Variants in CAST observed in about 807,000 individuals in gnomAD.
The protein encoded by CAST is MIR583 host.
CAST carries 76 observed loss-of-function variants against 119.6 expected under a neutral mutation model. The observed-to-expected ratio is 0.64, with a 90% confidence interval of 0.53 to 0.77. The LOEUF (loss-of-function observed/expected upper bound fraction) is 0.77. Among genes scored for constraint, CAST ranks in the 30% least tolerant of loss-of-function variants. The probability of loss-of-function intolerance (pLI) is 0.00; values close to 1 mark genes in which losing one functional copy is unlikely to be tolerated. For missense variants in CAST, 953 were observed against 946.5 expected, an observed-to-expected ratio of 1.01 and a Z score of -0.09; for synonymous variants, 319 against 331.6, an observed-to-expected ratio of 0.96 and a Z score of 0.41.
chr5:96,484,166 G>A, the CAST span, among the ~76,000 whole-genome samples: 2 of 152,038 alleles, frequency 1.3e-5, no homozygotes, highest in African/African-American at 2.4e-5. Context: ...ACAACTCTCT[G>A]GTTCTGATGA....
At chr5:96,538,322 C>T (rs901792244) in intron 1 of CAST, among the ~76,000 whole-genome samples, 2 of 152,238 alleles carry the variant, frequency 1.3e-5, no homozygotes, top group African/African-American at 4.8e-5. Context: ...TATGAAACTA[C>T]GTAGCAATAT....
intron 1 of CAST, among the ~76,000 whole-genome samples, chr5:96,534,737 G>GAA (rs1397854761): frequency 0.019 from 271 of 14,220 alleles, 16 homozygotes; most frequent in Non-Finnish European, 0.029. Context: ...GAGAGAGAGA[G>GAA]AGAGAAAGAA....
At chr5:96,367,810 C>T in the CAST span, among the ~76,000 whole-genome samples, 161 of 152,134 alleles carry the variant, frequency 1.1e-3, 2 homozygotes, top group East Asian at 0.012. Flanking sequence ...GGCTCACGCT[C>T]GGTGGGCTGC....
At chr5:96,458,445 G>C in the CAST span, among the ~76,000 whole-genome samples, 1 of 152,170 alleles carries the variant, frequency 6.6e-6, no homozygotes, top group South Asian at 2.1e-4. Flanking sequence ...TTTAAGGATG[G>C]AGGAGGAGGG....
At chr5:96,218,034 TG>T in the CAST span, among the ~76,000 whole-genome samples, 2 of 152,226 alleles carry the variant, frequency 1.3e-5, no homozygotes, top group African/African-American at 4.8e-5. Context: ...TTGAAAGTTC[TG>T]GGGGGTGGCC....
At chr5:96,308,656 T>TG in the CAST span, 1 of 152,170 alleles carries the variant, frequency 6.6e-6, no homozygotes, top group East Asian at 1.9e-4. Flanking sequence ...AAGTCCTTTT[T>TG]GTTGATGCTG....
chr5:96,196,652 G>A, the CAST span, among the ~76,000 whole-genome samples: 2 of 152,150 alleles, frequency 1.3e-5, no homozygotes, highest in Non-Finnish European at 2.9e-5. Context: ...GCTGGGGAAT[G>A]AAAGAACAGT....
intron 16 of CAST, among the ~76,000 whole-genome samples, chr5:96,745,983 T>C (rs1763674767): frequency 6.6e-6 from 1 of 152,230 alleles, no homozygotes; most frequent in African/African-American, 2.4e-5. Flanking sequence ...TTTATTTACT[T>C]TTCTCTGGTG....
the CAST span, among the ~76,000 whole-genome samples, chr5:96,031,254 A>G: frequency 6.6e-6 from 1 of 151,180 alleles, no homozygotes; most frequent in Non-Finnish European, 1.5e-5. Flanking sequence ...AAAAAAAGGA[A>G]AAATGTCTAT....
chr5:96,499,955 G>A, the CAST span, among the ~76,000 whole-genome samples: 2 of 152,172 alleles, frequency 1.3e-5, no homozygotes, highest in Middle Eastern at 3.4e-3. Context: ...ATATTAACTG[G>A]CCTAATTTCA....
intron 3 of CAST, among the ~76,000 whole-genome samples, chr5:96,707,293 T>A (rs1479142360): frequency 6.6e-6 from 1 of 152,204 alleles, no homozygotes; most frequent in African/African-American, 2.4e-5. Flanking sequence ...CTCTGTTTTT[T>A]AAAAAACTAA....
chr5:96,743,376 C>G (rs962031577), intron 16 of CAST, among the ~76,000 whole-genome samples: 1 of 152,148 alleles, frequency 6.6e-6, no homozygotes, highest in Non-Finnish European at 1.5e-5. Flanking sequence ...ACTCAGTCCT[C>G]TGGGGTGAAA....
the CAST span, among the ~76,000 whole-genome samples, chr5:96,045,857 A>C: frequency 6.6e-6 from 1 of 152,172 alleles, no homozygotes; most frequent in Admixed American, 6.6e-5. Flanking sequence ...GGTACAAAAA[A>C]GTTTCTCTGG....
intron 1 of CAST, among the ~76,000 whole-genome samples, chr5:96,614,844 C>T (rs532501955): frequency 1.3e-5 from 2 of 152,316 alleles, no homozygotes; most frequent in South Asian, 4.1e-4. Context: ...GCACCTGTCA[C>T]TAAGAAGGCT....
intron 1 of CAST, chr5:96,546,306 G>C (rs1746016108): frequency 6.6e-6 from 1 of 152,084 alleles, no homozygotes; most frequent in South Asian, 2.1e-4. Context: ...AGGTTAAAAG[G>C]TTCTGAGTCA....
At chr5:96,291,873 TGTGTGTG>T in the CAST span, among the ~76,000 whole-genome samples, 9 of 151,394 alleles carry the variant, frequency 5.9e-5, no homozygotes, top group African/African-American at 2.2e-4. Context: ...TGTGTGTGTG[TGTGTGTG>T]TGTGTGGTGG....
At chr5:96,092,023 A>T in the CAST span, among the ~76,000 whole-genome samples, 18 of 152,308 alleles carry the variant, frequency 1.2e-4, no homozygotes, top group African/African-American at 2.9e-4. Context: ...TAAGCACTTG[A>T]TGAATAAATG....
At chr5:96,656,321 G>C (rs1014432488) in intron 1 of CAST, among the ~76,000 whole-genome samples, 1 of 152,206 alleles carries the variant, frequency 6.6e-6, no homozygotes, top group Admixed American at 6.5e-5. Context: ...AACTTGTACT[G>C]TTAAAACAAA....
the CAST span, among the ~76,000 whole-genome samples, chr5:96,490,801 A>G: frequency 6.6e-6 from 1 of 152,158 alleles, no homozygotes; most frequent in Non-Finnish European, 1.5e-5. Context: ...AACTTTCAGA[A>G]GAAAACATGA....
Sources: gnomAD v4.1 joint callset for allele counts (sites outside exome capture counted in the v4.1 genomes callset) on GRCh38, gnomAD v4.1.1 for gene constraint, MANE v1.5 for transcripts, NCBI Gene and HGNC (gene_info 2026-07-23, HGNC 2026-07-21) for gene names.